RACGAP1: variants seen among roughly 807,000 people sequenced by gnomAD.
The protein encoded by RACGAP1 is rac GTPase-activating protein 1.
RACGAP1 carries 30 observed loss-of-function variants against 78.1 expected under a neutral mutation model. That is an observed-to-expected ratio of 0.38 (90% CI 0.29 to 0.52). The LOEUF (loss-of-function observed/expected upper bound fraction) is 0.52. Ranked by LOEUF, RACGAP1 falls within the 20% of genes least tolerant of loss-of-function variation. The probability of loss-of-function intolerance (pLI) is 0.82; values close to 1 mark genes in which losing one functional copy is unlikely to be tolerated. For missense variants in RACGAP1, 587 were observed against 777.1 expected, an observed-to-expected ratio of 0.76 and a Z score of 2.91; for synonymous variants, 231 against 264.8, an observed-to-expected ratio of 0.87 and a Z score of 1.24.
intron 2 of RACGAP1, 53 bp downstream of exon 2, chr12:50,016,578 C>T: frequency 1.9e-6 from 3 of 1,547,274 alleles, no homozygotes; most frequent in African/African-American, 2.7e-5. Flanking sequence ...TTGTAAAAAT[C>T]CCAAATTTGA....
At chr12:50,019,340 A>G (rs1259148947) in intron 1 of RACGAP1, among the ~76,000 whole-genome samples, 1 of 152,190 alleles carries the variant, frequency 6.6e-6, no homozygotes, top group Non-Finnish European at 1.5e-5. Context: ...CAGCTAGAAT[A>G]TAAATTTGAG....
Position 49,992,599 on chromosome 12 carries a change from G to C in RACGAP1, c.1396C>G (p.Pro466Ala), listed in dbSNP as rs1186941960. Residue 466 changes from proline to alanine, a missense_variant, in exon 13 of 17, where the codon CCC becomes GCC. Coordinates refer to ENST00000312377, the MANE Select transcript of RACGAP1 (RefSeq NM_001319999.2). The part of the protein sequence containing the change: ...AAMYQAVGEL[P>A]QANRDTLAFL... Reference sequence around the variant, plus strand: ...GCTAATGTGTCCCTGTTGGCCTGGGGCAGTTCACCAACAGCTTGGTACATG... The same window carrying C: ...GCTAATGTGTCCCTGTTGGCCTGGGCCAGTTCACCAACAGCTTGGTACATG... 6.2e-7 allele frequency: 1 copy of C among 1,614,114 alleles called. No individual in the cohort carries two copies. Among genetic ancestry groups the C allele is most frequent in the Admixed American group, 1.7e-5 (1 of 60,010 alleles).
chr12:49,999,489 C>T lies in RACGAP1; in HGVS notation c.748+127G>A, dbSNP rs184813200. 104 of 962,018 alleles carry T rather than the reference C, an allele frequency of 1.1e-4. No homozygotes were observed. The East Asian group carries it at 2.3e-3, about 21-fold the overall frequency. 59.6% of individuals were successfully genotyped at this position (962,018 alleles called of 1,614,324 possible). A position where few individuals can be genotyped will look rare whatever the true frequency, so the allele number is the denominator to read the frequency against. ...ATGACACAAGCAGTTCTCTGGTCCT[C>T]GGTATGCAGCAGTAAGAAACTACCC... On this transcript the variant is annotated intron_variant, in intron 8 of 16. Coordinates refer to ENST00000312377, the MANE Select transcript of RACGAP1 (RefSeq NM_001319999.2).
Position 49,997,102 on chromosome 12 carries a change from G to A in RACGAP1, c.982C>T (p.Arg328Trp), listed in dbSNP as rs757381246. The change falls in exon 10 of 17, where the codon CGG (arginine) becomes TGG (tryptophan). Residue 328 changes from arginine (R) to tryptophan (W), a missense_variant. Physicochemically the swap from Arg to Trp is moderately radical, Grantham distance 101. Coordinates refer to ENST00000312377, the MANE Select transcript of RACGAP1 (RefSeq NM_001319999.2). The part of the protein sequence containing the change: ...DCRVVSHPEC[R>W]DRCPLPCIPT... ...ATGCAGGGAAGGGGACAGCGGTCCC[G>A]ACATTCTGGATGAGAGACCACACGA... 23 of 1,608,280 alleles carry A rather than the reference G, an allele frequency of 1.4e-5. No homozygotes were observed. The Admixed American group carries it at 2.0e-4, about 14-fold the overall frequency.
At position 49,994,489 on chromosome 12, in the gene RACGAP1, C is replaced by A; in HGVS notation, c.1065G>T (p.Val355=). Residue 355 remains valine, a synonymous_variant, in exon 11 of 17, where the codon GTG becomes GTT. Transcript: ENST00000312377. Reference sequence around the variant, plus strand: ...AGGGGATCATTGGAGAAGTCTGGGACACAAAGTCTGCCAGCATTCCCTGGA... The same window carrying A: ...AGGGGATCATTGGAGAAGTCTGGGAAACAAAGTCTGCCAGCATTCCCTGGA... ...KIGEGMLADF[V]SQTSPMIPSI... is the part of the protein sequence containing the mutation. 6.2e-7 allele frequency: 1 copy of A among 1,613,366 alleles called. No homozygotes were observed. Among genetic ancestry groups the A allele is most frequent in the Non-Finnish European group, 8.5e-7 (1 of 1,179,868 alleles).
At chr12:50,010,148 GA>G (rs147452170) in intron 2 of RACGAP1, among the ~76,000 whole-genome samples, 91 of 152,156 alleles carry the variant, frequency 6.0e-4, no homozygotes, top group African/African-American at 2.0e-3. Flanking sequence ...ATACACCAAT[GA>G]TTTTTTTTAA....
chr12:49,990,955 T>C (rs1224530796), intron 15 of RACGAP1, among the ~76,000 whole-genome samples, 163 bp from the exon 16 acceptor site: 1 of 152,220 alleles, frequency 6.6e-6, no homozygotes, highest in Non-Finnish European at 1.5e-5. Context: ...AACACACTAG[T>C]GTATCTTTTG....
At chr12:50,024,077 C>T (rs1052711755) in intron 1 of RACGAP1, among the ~76,000 whole-genome samples, 3 of 151,426 alleles carry the variant, frequency 2.0e-5, no homozygotes, top group Admixed American at 6.6e-5. Flanking sequence ...AGGAGAATGG[C>T]GTGAATCCGG....
At chr12:50,033,276 G>C (rs1950351397), upstream of RACGAP1, 1 of 152,212 alleles carries the variant, frequency 6.6e-6, no homozygotes, top group East Asian at 1.9e-4. Context: ...AGGGGCGGGG[G>C]TGGGGCGATG....
rs757681041 is a variant in RACGAP1 at position 50,000,018 on chromosome 12, A to ATTTTTTTTTTTTTTTTT, written c.631-286_631-285insAAAAAAAAAAAAAAAAA. Among the ~76,000 whole-genome samples the ATTTTTTTTTTTTTTTTT allele has an allele frequency of 3.2e-4, 32 of 99,616 alleles. 4 individuals carry two copies. Among genetic ancestry groups the ATTTTTTTTTTTTTTTTT allele is most frequent in the South Asian group, 7.8e-4 (2 of 2,558 alleles). The allele number at this position is 99,616 out of a possible 152,430, so 65.4% of individuals were successfully genotyped here. Reference sequence around the variant, plus strand: ...AAGCATGCGCCACCACACCTGACTGATTTTTTTTTTTTTGAGACGGAGTCT... The same window carrying ATTTTTTTTTTTTTTTTT: ...AAGCATGCGCCACCACACCTGACTGATTTTTTTTTTTTTTTTTTTTTTTTTTTTTTGAGACGGAGTCT... On this transcript the variant is annotated intron_variant, in intron 7 of 16. Coordinates refer to ENST00000312377, the MANE Select transcript of RACGAP1 (RefSeq NM_001319999.2).
In RACGAP1 at chr12:50,005,431, G is replaced by A. The variant is rs1183113291; in HGVS notation, c.289-39C>T. The A allele has an allele frequency of 2.5e-6, 4 of 1,608,386 alleles. No individual in the cohort carries two copies. The South Asian group carries it at 3.3e-5, about 13-fold the overall frequency. On this transcript the variant is annotated intron_variant, in intron 3 of 16. Coordinates refer to ENST00000312377, the MANE Select transcript of RACGAP1 (RefSeq NM_001319999.2). ...CAAAGTAAAACATCATAACTAGCCA[G>A]GGGAGAAAGCTTCACCTCAAGTTTA...
chr12:50,002,122 C>T (rs1948719319), intron 6 of RACGAP1, 125 bp downstream of exon 6: 1 of 552,944 alleles, frequency 1.8e-6, no homozygotes, highest in Admixed American at 3.1e-5. Flanking sequence ...AGCATGAATT[C>T]ATCTGTAGTA....
At chr12:49,998,027 G>C (rs891462529) in intron 9 of RACGAP1, among the ~76,000 whole-genome samples, 2 of 152,224 alleles carry the variant, frequency 1.3e-5, no homozygotes, top group East Asian at 1.9e-4. Flanking sequence ...AGCAAAGAGA[G>C]TTTAAGTAAC....
intron 1 of RACGAP1, among the ~76,000 whole-genome samples, chr12:50,018,804 G>A (rs2137649063): frequency 6.6e-6 from 1 of 151,614 alleles, no homozygotes; most frequent in South Asian, 2.1e-4. Context: ...GGGGTTTTAA[G>A]TCTTAAATTA....
intron 1 of RACGAP1, among the ~76,000 whole-genome samples, chr12:50,023,897 C>T (rs1592240627): frequency 6.6e-6 from 1 of 151,892 alleles, no homozygotes; most frequent in East Asian, 1.9e-4. Context: ...CGTGGTGGCT[C>T]ATGCCTGTAA....
chr12:50,011,805 T>A (rs956971729), intron 2 of RACGAP1, among the ~76,000 whole-genome samples: 6 of 150,876 alleles, frequency 4.0e-5, no homozygotes, highest in Admixed American at 1.3e-4. Flanking sequence ...AATACAAAAA[T>A]TAGCTGAGCG....
At chr12:50,025,508 T>G (rs1243418992), upstream of RACGAP1, 9 of 985,468 alleles carry the variant, frequency 9.1e-6, no homozygotes, top group Non-Finnish European at 1.1e-5. Flanking sequence ...CACCAACCAA[T>G]CACAGAGAAA....
At chr12:49,998,199 T>C (rs989024566) in intron 9 of RACGAP1, among the ~76,000 whole-genome samples, 38 of 151,448 alleles carry the variant, frequency 2.5e-4, no homozygotes, top group African/African-American at 9.2e-4. Flanking sequence ...GGTCAGTAGT[T>C]TGAGACCAGC....
chr12:49,990,286 A>G lies in RACGAP1; in HGVS notation c.1881T>C (p.Ala627=). Reference sequence around the variant, plus strand: ...TGTGACTTCACTTGAGCATTGGAGAAGCAAAAAAGTTGCCTTGTCGTCCTA... The same window carrying G: ...TGTGACTTCACTTGAGCATTGGAGAGGCAAAAAAGTTGCCTTGTCGTCCTA... ...TNLGRQGNFF[A]SPMLK Residue 627 remains alanine, a synonymous_variant, in exon 17 of 17, where the codon GCT becomes GCC. Transcript: ENST00000312377. 6.2e-7 allele frequency: 1 copy of G among 1,613,852 alleles called. No individual in the cohort carries two copies. The highest frequency in any genetic ancestry group is 8.5e-7 in the Non-Finnish European group (1 of 1,179,702).
Sources: allele counts gnomAD v4.1 joint callset (sites outside exome capture counted in the v4.1 genomes callset), GRCh38; gene constraint gnomAD v4.1.1; transcripts MANE v1.5; gene names NCBI Gene and HGNC (gene_info 2026-07-23, HGNC 2026-07-21).